Variants in RPS6KA1 observed in about 807,000 individuals in gnomAD.
RPS6KA1 encodes the protein ribosomal protein S6 kinase alpha-1.
Under a neutral mutation model 91.3 loss-of-function variants are expected in RPS6KA1, and 48 were observed. The observed-to-expected ratio is 0.53, with a 90% confidence interval of 0.42 to 0.67. The LOEUF (loss-of-function observed/expected upper bound fraction) is 0.67, where lower values mean the gene tolerates loss of function less well. RPS6KA1 is among the 30% of genes least tolerant of loss of function. The probability of loss-of-function intolerance (pLI) is 0.00; values close to 1 mark genes in which losing one functional copy is unlikely to be tolerated. For missense variants in RPS6KA1, 719 were observed against 960.5 expected, an observed-to-expected ratio of 0.75 and a Z score of 3.32; for synonymous variants, 359 against 384.7, an observed-to-expected ratio of 0.93 and a Z score of 0.78.
chr1:26,549,916 G>A (rs1557498685), intron 4 of RPS6KA1, among the ~76,000 whole-genome samples: 1 of 150,424 alleles, frequency 6.6e-6, no homozygotes, highest in Admixed American at 6.6e-5. Flanking sequence ...TTTCACTCTC[G>A]TTGCCCAGAC....
intron 1 of RPS6KA1, among the ~76,000 whole-genome samples, chr1:26,535,174 G>C (rs1474702755): frequency 6.6e-6 from 1 of 152,140 alleles, no homozygotes; most frequent in Non-Finnish European, 1.5e-5. Flanking sequence ...CTTCTCCCCA[G>C]GCTGCTGAGA....
intron 12 of RPS6KA1, 30 bp from the exon 13 acceptor site, chr1:26,556,968 G>T: frequency 6.4e-7 from 1 of 1,561,676 alleles, no homozygotes; most frequent in South Asian, 1.1e-5. Context: ...AGGATGCCAT[G>T]GTGACCAGAG....
intron 2 of RPS6KA1, among the ~76,000 whole-genome samples, chr1:26,537,506 C>T (rs2075915761): frequency 6.6e-6 from 1 of 152,202 alleles, no homozygotes; most frequent in Non-Finnish European, 1.5e-5. Context: ...TCTGCTTCCC[C>T]TGGGCCCCTT....
Position 26,571,442 on chromosome 1 carries a change from C to T in RPS6KA1, c.1591-7C>T, listed in dbSNP as rs1350900952. The T allele has an allele frequency of 6.2e-7, 1 of 1,614,032 alleles. No homozygotes were observed. Among genetic ancestry groups the T allele is most frequent in the Admixed American group, 1.7e-5 (1 of 60,020 alleles). ...ACTGAGAACTGACCCCAGCCCCCTG[C>T]CCCTAGGTTGTGCACAGGGACCTGA... On this transcript the variant is annotated splice_region_variant and splice_polypyrimidine_tract_variant and intron_variant, in intron 17 of 21. Coordinates refer to ENST00000374168, the MANE Select transcript of RPS6KA1 (RefSeq NM_002953.4). The surrounding 1 kb of genome is among the most constrained non-coding windows in gnomAD (Gnocchi z 5.1).
At position 26,571,212 on chromosome 1, in the gene RPS6KA1, G is replaced by A; in HGVS notation, c.1591-237G>A. ...ATTATGTGATGAGTAGGTTTTAGGG[G>A]AGAATTGAGAGTTCAGTTTTGACAG... On this transcript the variant is annotated intron_variant, in intron 17 of 21. Transcript: ENST00000374168. This position sits in a 1 kb window ranked among gnomAD's most constrained non-coding sequence, Gnocchi z 5.1. 1 of 522,494 alleles carries A rather than the reference G, an allele frequency of 1.9e-6. No individual in the cohort carries two copies. The highest frequency in any genetic ancestry group is 3.4e-6 in the Non-Finnish European group (1 of 292,864). The allele number at this position is 522,494 out of a possible 1,614,324, so 32.4% of individuals were successfully genotyped here.
At chr1:26,562,706 A>G (rs1370333885) in intron 17 of RPS6KA1, among the ~76,000 whole-genome samples, 1 of 151,946 alleles carries the variant, frequency 6.6e-6, no homozygotes, top group African/African-American at 2.4e-5. Context: ...ATCAGACAAC[A>G]TGGGGGTTAA....
chr1:26,546,136 C>T, intron 2 of RPS6KA1: 4 of 1,382,164 alleles, frequency 2.9e-6, no homozygotes, highest in Non-Finnish European at 3.9e-6. Flanking sequence ...TGTCCTGGCC[C>T]AGGCCTGGCC....
rs2124636958 is a variant in RPS6KA1 at position 26,551,959 on chromosome 1, A to C, written c.468+236A>C. Among the ~76,000 whole-genome samples, 1 of 152,180 alleles carries C rather than the reference A, an allele frequency of 6.6e-6. No homozygotes were observed. Among genetic ancestry groups the C allele is most frequent in the Middle Eastern group, 3.4e-3 (1 of 294 alleles). On this transcript the variant is annotated intron_variant, in intron 6 of 21. Transcript: ENST00000374168. The surrounding 1 kb of genome is among the most constrained non-coding windows in gnomAD (Gnocchi z 4.5). ...CTCCAGGGAGCTAAGGGTTCCTCTC[A>C]CCTCTGCACCTGCCTTCTTCCAGGG... is the stretch of plus-strand genomic sequence containing the variant.
Position 26,574,367 on chromosome 1 carries a change from C to CACA in RPS6KA1, c.*166_*167insACA. 1.2e-6 allele frequency: 1 copy of CACA among 856,312 alleles called. No homozygotes were observed. Among genetic ancestry groups the CACA allele is most frequent in the Non-Finnish European group, 2.0e-6 (1 of 490,824 alleles). 53.0% of individuals were successfully genotyped at this position (856,312 alleles called of 1,614,324 possible). A position where few individuals can be genotyped will look rare whatever the true frequency, so the allele number is the denominator to read the frequency against. The stretch of plus-strand genomic sequence containing the variant: ...AATGAGGGTGTGAGAAGTGCCTTCT[C>CACA]CTTCCCCAGGATGGACTCTTCTCGG... On this transcript the variant is annotated 3_prime_UTR_variant, in exon 22 of 22. Coordinates refer to ENST00000374168, the MANE Select transcript of RPS6KA1 (RefSeq NM_002953.4). This position sits in a 1 kb window ranked among gnomAD's most constrained non-coding sequence, Gnocchi z 4.3.
chr1:26,559,393 G>A (rs1249018706), intron 14 of RPS6KA1, among the ~76,000 whole-genome samples: 1 of 152,066 alleles, frequency 6.6e-6, no homozygotes, highest in Non-Finnish European at 1.5e-5. Context: ...TTGAGACGTA[G>A]TCTTGCTCTG....
chr1:26,536,681 G>A (rs1246517482), intron 1 of RPS6KA1, among the ~76,000 whole-genome samples: 1 of 152,238 alleles, frequency 6.6e-6, no homozygotes, highest in East Asian at 1.9e-4. Context: ...CAGACAGCAT[G>A]AGGGTCAGAA....
At chr1:26,566,354 G>A (rs2076201946) in intron 17 of RPS6KA1, among the ~76,000 whole-genome samples, 1 of 144,818 alleles carries the variant, frequency 6.9e-6, no homozygotes, top group Non-Finnish European at 1.5e-5. Context: ...TGCGATCTCG[G>A]CTCACTGCAA....
rs756165270 is a variant in RPS6KA1, at chr1:26,555,016, A to G, written c.757-135A>G. ...GTTGGCAGAGGCAAGAGGGACGGGC[A>G]TAATTCTTGCTCCAGGCTGACTTGG... is the stretch of plus-strand genomic sequence containing the variant. On this transcript the variant is annotated intron_variant, in intron 9 of 21. Transcript: ENST00000374168. The surrounding 1 kb of genome is among the most constrained non-coding windows in gnomAD (Gnocchi z 4.3). 2.1e-6 allele frequency: 2 copies of G among 949,974 alleles called. No homozygotes were observed. The highest frequency in any genetic ancestry group is 3.2e-6 in the Non-Finnish European group (2 of 622,786). 58.8% of individuals were successfully genotyped at this position (949,974 alleles called of 1,614,324 possible).
chr1:26,548,143 C>T (rs972120235), intron 4 of RPS6KA1, among the ~76,000 whole-genome samples: 3 of 152,004 alleles, frequency 2.0e-5, no homozygotes, highest in Non-Finnish European at 4.4e-5. Flanking sequence ...TATCCTAAGG[C>T]CAGCCTGGTG....
chr1:26,571,474 G>A lies in RPS6KA1; in HGVS notation c.1616G>A (p.Ser539Asn), dbSNP rs2076247992. The change falls in exon 18 of 22, where the codon AGC (serine) becomes AAC (asparagine). Residue 539 changes from serine to asparagine, a missense_variant. This residue lies in a region of RPS6KA1 where 249 missense variants were observed against 323.1 expected (regional missense o/e 0.77). Coordinates refer to ENST00000374168, the MANE Select transcript of RPS6KA1 (RefSeq NM_002953.4). The surrounding 1 kb of genome is among the most constrained non-coding windows in gnomAD (Gnocchi z 5.1). Reference protein sequence around the residue: ...QGVVHRDLKPSNILYVDESGN... With the variant: ...QGVVHRDLKPNNILYVDESGN... ...GTTGTGCACAGGGACCTGAAGCCCA[G>A]CAACATCCTGTATGTGGACGAGTCC... The A allele has an allele frequency of 6.2e-7, 1 of 1,614,202 alleles. No homozygotes were observed. Among genetic ancestry groups the A allele is most frequent in the Non-Finnish European group, 8.5e-7 (1 of 1,180,040 alleles).
At chr1:26,534,039 C>CG (rs1239247203) in intron 1 of RPS6KA1, among the ~76,000 whole-genome samples, 1 of 152,132 alleles carries the variant, frequency 6.6e-6, no homozygotes, top group Non-Finnish European at 1.5e-5. Context: ...TGCCTTAGAG[C>CG]GGGGGGTCCC....
At chr1:26,567,476 G>A (rs59412264) in intron 17 of RPS6KA1, among the ~76,000 whole-genome samples, 2,113 of 152,266 alleles carry the variant, frequency 0.014, 78 homozygotes, top group East Asian at 0.14. Context: ...CGCCTCCCAG[G>A]TTTAGGAGAT....
At position 26,574,760 on chromosome 1, in the gene RPS6KA1, G is replaced by A. The variant is rs1466744515; in HGVS notation, c.*559G>A. On this transcript the variant is annotated 3_prime_UTR_variant, in exon 22 of 22. Transcript: ENST00000374168. The surrounding 1 kb of genome is among the most constrained non-coding windows in gnomAD (Gnocchi z 4.3). ...AGAACCACTTCCTGCTACAGGAGGG[G>A]TCTCATGTCCTGCTGGCTTCCAGCT... The A allele has an allele frequency of 2.9e-5, 8 of 273,688 alleles. No individual in the cohort carries two copies. Among genetic ancestry groups the A allele is most frequent in the Admixed American group, 1.0e-4 (2 of 20,072 alleles). The allele number at this position is 273,688 out of a possible 1,614,324, so 17.0% of individuals were successfully genotyped here. A position where few individuals can be genotyped will look rare whatever the true frequency, so the allele number is the denominator to read the frequency against.
intron 21 of RPS6KA1, among the ~76,000 whole-genome samples, chr1:26,573,811 G>A (rs536997213): frequency 3.2e-4 from 49 of 152,128 alleles, no homozygotes; most frequent in East Asian, 2.5e-3. Flanking sequence ...GGTGGCAAGC[G>A]CCTGTAATCC....
Sources: allele counts gnomAD v4.1 joint callset (sites outside exome capture counted in the v4.1 genomes callset), GRCh38; gene constraint gnomAD v4.1.1; regional missense constraint gnomAD v4.1.1; non-coding constraint Gnocchi (gnomAD v3.1); transcripts MANE v1.5; gene names NCBI Gene and HGNC (gene_info 2026-07-23, HGNC 2026-07-21).